MCM2: variants seen among roughly 807,000 people sequenced by gnomAD.
MCM2 encodes the protein DNA replication licensing factor MCM2.
In MCM2, 49 loss-of-function variants were observed where a neutral mutation model predicts 86.4. The observed-to-expected ratio is 0.57, with a 90% CI of 0.45 to 0.72. The LOEUF is 0.72. Among genes scored for constraint, MCM2 ranks in the 30% least tolerant of loss-of-function variants. The probability of loss-of-function intolerance (pLI) is 0.00; values close to 1 mark genes in which losing one functional copy is unlikely to be tolerated. For missense variants in MCM2, 1,038 were observed against 1,259.9 expected, an observed-to-expected ratio of 0.82 and a Z score of 2.67; for synonymous variants, 475 against 484.6, an observed-to-expected ratio of 0.98 and a Z score of 0.26.
chr3:127,614,437 T>G (rs2074419656), intron 8 of MCM2, among the ~76,000 whole-genome samples: 1 of 152,246 alleles, frequency 6.6e-6, no homozygotes. Context: ...AAGTTGTGAT[T>G]GGTTGATATC....
In MCM2 at chr3:127,617,506, A is replaced by G; in HGVS notation, c.1900+101A>G. ...GGGGTCCCCAGGAGCCGATCTGAGGAAGTCATTGTGCAGCAGAGGGTTCCC... is the reference window on the plus strand; with the variant it reads ...GGGGTCCCCAGGAGCCGATCTGAGGGAGTCATTGTGCAGCAGAGGGTTCCC... On this transcript the variant is annotated intron_variant, in intron 11 of 15. Transcript: ENST00000265056. The surrounding 1 kb of genome is among the most constrained non-coding windows in gnomAD (Gnocchi z 4.1). The G allele has an allele frequency of 7.1e-7, 1 of 1,415,678 alleles. No homozygotes were observed. Among genetic ancestry groups the G allele is most frequent in the Non-Finnish European group, 9.4e-7 (1 of 1,061,966 alleles). 87.7% of individuals were successfully genotyped at this position (1,415,678 alleles called of 1,614,324 possible). A position where few individuals can be genotyped will look rare whatever the true frequency, so the allele number is the denominator to read the frequency against.
At chr3:127,621,339 C>A in intron 15 of MCM2, 111 bp downstream of exon 15, 3 of 1,311,706 alleles carry the variant, frequency 2.3e-6, no homozygotes, top group Non-Finnish European at 3.2e-6. Context: ...CCTTGGTTGA[C>A]AGCCATTTAT....
chr3:127,616,763 A>G (rs905289528), intron 9 of MCM2, 105 bp from the exon 10 acceptor site: 70 of 1,304,040 alleles, frequency 5.4e-5, no homozygotes, highest in Non-Finnish European at 6.7e-5. Flanking sequence ...ACTGTGCCTT[A>G]CCATTCCTAA....
chr3:127,617,574 G>A lies in MCM2; in HGVS notation c.1900+169G>A. ...CCAGAGTGGGGAACAGTGAAAGTGG[G>A]ACCTGGGACACCTGGGTTTCCTGTT... On this transcript the variant is annotated intron_variant, in intron 11 of 15. Transcript: ENST00000265056. The surrounding 1 kb of genome is among the most constrained non-coding windows in gnomAD (Gnocchi z 4.1). 2.4e-6 allele frequency: 2 copies of A among 841,328 alleles called. No individual in the cohort carries two copies. Among genetic ancestry groups the A allele is most frequent in the South Asian group, 3.6e-5 (2 of 55,388 alleles). 52.1% of individuals were successfully genotyped at this position (841,328 alleles called of 1,614,324 possible).
chr3:127,605,338 C>G (rs1468131208), intron 4 of MCM2, among the ~76,000 whole-genome samples, 182 bp downstream of exon 4: 1 of 151,818 alleles, frequency 6.6e-6, no homozygotes, highest in East Asian at 1.9e-4. Context: ...GTGACCACAT[C>G]TGGGCCACCA....
chr3:127,619,429 T>G (rs1321952562), intron 13 of MCM2, 151 bp downstream of exon 13: 1 of 947,744 alleles, frequency 1.1e-6, no homozygotes, highest in Non-Finnish European at 1.5e-6. Context: ...CCAGGCACAG[T>G]GGCTCACGCC....
At chr3:127,610,395 A>T (rs1472823145) in intron 8 of MCM2, among the ~76,000 whole-genome samples, 1 of 151,888 alleles carries the variant, frequency 6.6e-6, no homozygotes, top group East Asian at 1.9e-4. Flanking sequence ...GGGTAAGGAG[A>T]GCTGTGTCCA....
In MCM2 at chr3:127,622,130, C is replaced by A. The variant is rs1240475195; in HGVS notation, c.*357C>A. On this transcript the variant is annotated 3_prime_UTR_variant, in exon 16 of 16. Transcript: ENST00000265056. ...CATGGATGTCAGGAGAGCTGCTGCC[C>A]TCTTGGCGTGAGTTGCGTATTCAGG... The A allele has an allele frequency of 5.6e-6, 1 of 177,376 alleles. No individual in the cohort carries two copies. Among genetic ancestry groups the A allele is most frequent in the Admixed American group, 6.2e-5 (1 of 16,146 alleles). The allele number at this position is 177,376 out of a possible 1,614,324, so 11.0% of individuals were successfully genotyped here.
At chr3:127,619,989 A>G (rs1466861045) in intron 13 of MCM2, among the ~76,000 whole-genome samples, 1 of 152,210 alleles carries the variant, frequency 6.6e-6, no homozygotes, top group Admixed American at 6.5e-5. Context: ...GTTTCAAAAA[A>G]AAAATATTTT....
intron 6 of MCM2, among the ~76,000 whole-genome samples, chr3:127,608,050 C>G (rs1201844562): frequency 6.6e-6 from 1 of 152,194 alleles, no homozygotes; most frequent in Non-Finnish European, 1.5e-5. Flanking sequence ...AGAGAAGGCA[C>G]AGAGAGAGGA....
chr3:127,621,832 C>T lies in MCM2; in HGVS notation c.*59C>T. 3 of 1,333,858 alleles carry T rather than the reference C, an allele frequency of 2.2e-6. No homozygotes were observed. The South Asian group carries it at 3.7e-5, about 16-fold the overall frequency. 82.6% of individuals were successfully genotyped at this position (1,333,858 alleles called of 1,614,324 possible). A position where few individuals can be genotyped will look rare whatever the true frequency, so the allele number is the denominator to read the frequency against. ...TCTGGTTTGGGGTGGTCAGTGCCCT[C>T]TGTGCTTTATGGACACAAAACCAGA... On this transcript the variant is annotated 3_prime_UTR_variant, in exon 16 of 16. Transcript: ENST00000265056.
intron 8 of MCM2, 44 bp from the exon 9 acceptor site, chr3:127,615,818 T>G: frequency 6.2e-5 from 89 of 1,424,916 alleles, no homozygotes; most frequent in Non-Finnish European, 8.0e-5. Context: ...ACCTACTCTG[T>G]GAGTATCTGT....
intron 7 of MCM2, 74 bp downstream of exon 7, chr3:127,608,590 G>A (rs1277468345): frequency 5.0e-6 from 8 of 1,584,440 alleles, no homozygotes; most frequent in African/African-American, 4.0e-5. Context: ...GGCTGGGCCG[G>A]TGGCGGTGTC....
intron 8 of MCM2, among the ~76,000 whole-genome samples, chr3:127,612,370 A>G (rs2074405398): frequency 6.6e-6 from 1 of 152,258 alleles, no homozygotes; most frequent in East Asian, 1.9e-4. Flanking sequence ...ATTTTGGCCT[A>G]ATCCTTAGGA....
intron 9 of MCM2, among the ~76,000 whole-genome samples, chr3:127,616,475 G>A (rs2074432841): frequency 6.6e-6 from 1 of 152,062 alleles, no homozygotes; most frequent in South Asian, 2.1e-4. Flanking sequence ...CTGTGCCTGT[G>A]CGCAGTGCAT....
At chr3:127,607,274 T>G (rs1212518832) in intron 6 of MCM2, among the ~76,000 whole-genome samples, 1 of 152,334 alleles carries the variant, frequency 6.6e-6, no homozygotes, top group East Asian at 1.9e-4. Context: ...TGCACCATAT[T>G]CAGGAGACGC....
rs1576419119 is a variant in MCM2 at position 127,617,039 on chromosome 3, T to C, written c.1694T>C (p.Val565Ala). The change falls in exon 10 of 16, where the codon GTC becomes GCC. Residue 565 changes from valine to alanine, a missense_variant. This residue lies in a region of MCM2 where 399 missense variants were observed against 507.2 expected (regional missense o/e 0.79). Transcript: ENST00000265056. The surrounding 1 kb of genome is among the most constrained non-coding windows in gnomAD (Gnocchi z 4.1). ...GLTAYVQRHP[V>A]SREWTLEAGA... is the part of the protein sequence containing the mutation. ...ACGGCGTATGTCCAGCGGCACCCTG[T>C]CAGCAGGGAGTGGACCTTGGAGGCT... The C allele has an allele frequency of 1.2e-6, 2 of 1,614,196 alleles. No individual in the cohort carries two copies. Among genetic ancestry groups the C allele is most frequent in the East Asian group, 4.5e-5 (2 of 44,884 alleles).
chr3:127,605,434 CTTTTTTTTTTT>C (rs1227332481), intron 4 of MCM2, among the ~76,000 whole-genome samples: 7 of 86,124 alleles, frequency 8.1e-5, no homozygotes, highest in African/African-American at 3.4e-4. Context: ...GGAATTGACT[CTTTTTTTTTTT>C]TTTTTTTTTT....
chr3:127,614,130 C>T (rs992523627), intron 8 of MCM2, among the ~76,000 whole-genome samples: 2 of 152,212 alleles, frequency 1.3e-5, no homozygotes, highest in African/African-American at 2.4e-5. Context: ...CCAGCTTCCA[C>T]AGCTGTCATA....
Sources: gnomAD v4.1 joint callset for allele counts (sites outside exome capture counted in the v4.1 genomes callset) on GRCh38, gnomAD v4.1.1 for gene constraint, gnomAD v4.1.1 regional missense constraint, Gnocchi (gnomAD v3.1) non-coding constraint, MANE v1.5 for transcripts, NCBI Gene and HGNC (gene_info 2026-07-23, HGNC 2026-07-21) for gene names.